CEP170: variants seen among roughly 807,000 people sequenced by gnomAD.
CEP170 encodes centrosomal protein of 170 kDa.
Under a neutral mutation model 151.9 loss-of-function variants are expected in CEP170, and 21 were observed. The observed-to-expected ratio is 0.14, with a 90% CI of 0.10 to 0.20. The LOEUF (loss-of-function observed/expected upper bound fraction) is 0.20. Among genes scored for constraint, CEP170 ranks in the 10% least tolerant of loss-of-function variants. The pLI is 1.00. For missense variants in CEP170, 964 were observed against 1,892.9 expected (o/e 0.51, Z 9.11); for synonymous variants, 356 against 648.8 (o/e 0.55, Z 6.86).
At chr1:243,192,617 C>G (rs1156253087) in intron 7 of CEP170, among the ~76,000 whole-genome samples, 3 of 152,150 alleles carry the variant, frequency 2.0e-5, no homozygotes, top group Non-Finnish European at 2.9e-5. Context: ...ATTAGGAAAA[C>G]AAGGCAATAC....
At chr1:243,182,826 T>C (rs949821306) in intron 10 of CEP170, among the ~76,000 whole-genome samples, 2 of 152,232 alleles carry the variant, frequency 1.3e-5, no homozygotes, top group Non-Finnish European at 2.9e-5. Flanking sequence ...TTTTATATGC[T>C]GGCACTAGGT....
chr1:243,201,908 G>A (rs1345737948), intron 4 of CEP170, among the ~76,000 whole-genome samples: 2 of 152,020 alleles, frequency 1.3e-5, no homozygotes, highest in Non-Finnish European at 2.9e-5. Flanking sequence ...TTTTCCTATA[G>A]CTTTGAAATA....
At chr1:243,219,606 G>A (rs892073448) in intron 3 of CEP170, among the ~76,000 whole-genome samples, 1 of 152,190 alleles carries the variant, frequency 6.6e-6, no homozygotes, top group Non-Finnish European at 1.5e-5. Flanking sequence ...AGACTAAAAT[G>A]CTGATGTAAT....
chr1:243,132,313 C>G (rs889268213), intron 17 of CEP170, among the ~76,000 whole-genome samples: 2 of 152,200 alleles, frequency 1.3e-5, no homozygotes, highest in Non-Finnish European at 2.9e-5. Context: ...CCCTAAACCT[C>G]CTAGGTGAAA....
rs2059852878 is a variant in CEP170 at position 243,185,010 on chromosome 1, G to A, written c.1566+769C>T. 1.3e-5 allele frequency among the ~76,000 whole-genome samples: 2 copies of A among 152,188 alleles called. No individual in the cohort carries two copies. Among genetic ancestry groups the A allele is most frequent in the African/African-American group, 4.8e-5 (2 of 41,452 alleles). On this transcript the variant is annotated intron_variant, in intron 10 of 19. Transcript: ENST00000366542. This position sits in a 1 kb window ranked among gnomAD's most constrained non-coding sequence, Gnocchi z 4.9. ...ACTGCTGTTTTGCAAGAGGTAATATGAGGTTGGTGCAAAAGTCACTGCGGT... is the reference window on the plus strand; with the variant it reads ...ACTGCTGTTTTGCAAGAGGTAATATAAGGTTGGTGCAAAAGTCACTGCGGT...
In CEP170 at chr1:243,185,664, A is replaced by G. The variant is rs1572115671; in HGVS notation, c.1566+115T>C. Reference sequence around the variant, plus strand: ...TCTTGCAGTTCCCTAACAAAACCCTAAAATTCACATACCACTGACTGCATG... The same window carrying G: ...TCTTGCAGTTCCCTAACAAAACCCTGAAATTCACATACCACTGACTGCATG... On this transcript the variant is annotated intron_variant, in intron 10 of 19. Coordinates refer to ENST00000366542, the MANE Select transcript of CEP170 (RefSeq NM_014812.3). The surrounding 1 kb of genome is among the most constrained non-coding windows in gnomAD (Gnocchi z 4.9). The G allele has an allele frequency of 2.1e-6, 3 of 1,412,972 alleles. No homozygotes were observed. In the East Asian group the frequency reaches 6.9e-5, roughly 33 times the overall value. 87.5% of individuals were successfully genotyped at this position (1,412,972 alleles called of 1,614,324 possible). A position where few individuals can be genotyped will look rare whatever the true frequency, so the allele number is the denominator to read the frequency against.
chr1:243,233,353 T>A (rs1363834110), intron 1 of CEP170, among the ~76,000 whole-genome samples: 4 of 152,154 alleles, frequency 2.6e-5, no homozygotes, highest in Non-Finnish European at 2.9e-5. Flanking sequence ...TAAATAAACA[T>A]GAAACAAAGA....
At chr1:243,141,726 G>A (rs1402614135) in intron 15 of CEP170, among the ~76,000 whole-genome samples, 3 of 152,130 alleles carry the variant, frequency 2.0e-5, no homozygotes. Flanking sequence ...CCCTGATATT[G>A]GATGGGTAAT....
At chr1:243,166,606 G>A (rs1381646403) in intron 12 of CEP170, 1 of 149,350 alleles carries the variant, frequency 6.7e-6, no homozygotes. Context: ...CAAAACAAAC[G>A]AGCCAGCATT....
chr1:243,239,944 T>G (rs2064655247), intron 1 of CEP170, among the ~76,000 whole-genome samples: 1 of 152,192 alleles, frequency 6.6e-6, no homozygotes, highest in African/African-American at 2.4e-5. Context: ...AATATAAACT[T>G]TTCTGGTGAA....
intron 12 of CEP170, 114 bp downstream of exon 12, chr1:243,169,514 A>G (rs1472680009): frequency 4.7e-6 from 7 of 1,487,536 alleles, no homozygotes; most frequent in African/African-American, 1.4e-5. Context: ...CTTGTTTTTT[A>G]TAATAACAAC....
At chr1:243,171,631 TTAGA>T (rs1309545217) in intron 11 of CEP170, among the ~76,000 whole-genome samples, 3 of 152,312 alleles carry the variant, frequency 2.0e-5, no homozygotes, top group African/African-American at 7.2e-5. Context: ...TACTTATGCC[TTAGA>T]TACTTTTTTA....
intron 2 of CEP170, among the ~76,000 whole-genome samples, chr1:243,222,672 T>G (rs139276233): frequency 6.6e-6 from 1 of 152,308 alleles, no homozygotes; most frequent in East Asian, 1.9e-4. Flanking sequence ...GACTTCCAAT[T>G]TTTGGTCCAA....
chr1:243,206,772 T>C (rs2061449385), intron 4 of CEP170, among the ~76,000 whole-genome samples: 1 of 152,198 alleles, frequency 6.6e-6, no homozygotes, highest in Non-Finnish European at 1.5e-5. Context: ...AAAAATAAAA[T>C]ACATGACATC....
At chr1:243,252,824 A>C (rs1415480576) in intron 1 of CEP170, among the ~76,000 whole-genome samples, 3 of 152,166 alleles carry the variant, frequency 2.0e-5, no homozygotes, top group African/African-American at 7.2e-5. Flanking sequence ...TGCAACGTAA[A>C]ATTAAACGAT....
At chr1:243,205,638 A>G (rs1208062095) in intron 4 of CEP170, among the ~76,000 whole-genome samples, 1 of 152,238 alleles carries the variant, frequency 6.6e-6, no homozygotes, top group Admixed American at 6.5e-5. Flanking sequence ...GGAAAGACTC[A>G]AAGTGATAAA....
At chr1:243,133,040 A>T (rs555489210) in intron 17 of CEP170, among the ~76,000 whole-genome samples, 1 of 152,194 alleles carries the variant, frequency 6.6e-6, no homozygotes, top group Admixed American at 6.5e-5. Flanking sequence ...ACTCCTTAAC[A>T]AATTCTGCCA....
chr1:243,138,146 A>G (rs1443020213), intron 16 of CEP170, among the ~76,000 whole-genome samples: 1 of 152,224 alleles, frequency 6.6e-6, no homozygotes, highest in Non-Finnish European at 1.5e-5. Flanking sequence ...TCCTGATATC[A>G]ACCTTGAGAT....
chr1:243,199,232 A>C, intron 6 of CEP170, 38 bp from the exon 7 acceptor site: 1 of 1,594,518 alleles, frequency 6.3e-7, no homozygotes, highest in East Asian at 2.2e-5. Flanking sequence ...AAAGCAGATG[A>C]AACAGAAAAG....
Sources: allele counts gnomAD v4.1 joint callset (sites outside exome capture counted in the v4.1 genomes callset), GRCh38; gene constraint gnomAD v4.1.1; non-coding constraint Gnocchi (gnomAD v3.1); transcripts MANE v1.5; gene names NCBI Gene and HGNC (gene_info 2026-07-23, HGNC 2026-07-21).